The following ADGRF4 variants were observed in gnomAD, a reference collection of about 807,000 sequenced individuals.
The protein encoded by ADGRF4 is G-protein coupled receptor PGR18.
A neutral mutation model predicts 58.5 loss-of-function variants in ADGRF4; 63 were observed. The ratio of observed to expected loss-of-function variants is 1.08; its 90% CI spans 0.88 to 1.33. The LOEUF is 1.33. ADGRF4 is among the 40% of genes most tolerant of loss of function. The pLI, the probability that ADGRF4 is intolerant of heterozygous loss-of-function variation, is 0.00. For synonymous variants in ADGRF4, 313 were observed against 295.4 expected (o/e 1.06, Z -0.61); for missense variants, 931 against 843.9 (o/e 1.10, Z -1.28).
intron 3 of ADGRF4, among the ~76,000 whole-genome samples, chr6:47,710,335 T>G (rs1218963662): frequency 6.6e-6 from 1 of 152,212 alleles, no homozygotes; most frequent in African/African-American, 2.4e-5. Flanking sequence ...CATAAAAGTT[T>G]ATGGACTCCT....
At chr6:47,699,128 C>G (rs1464080796) in intron 1 of ADGRF4, among the ~76,000 whole-genome samples, 1 of 152,188 alleles carries the variant, frequency 6.6e-6, no homozygotes, top group African/African-American at 2.4e-5. Context: ...GTCTTTTAGA[C>G]TGAATGTAAA....
Position 47,702,026 on chromosome 6 carries a change from A to G in ADGRF4, c.-17+3232A>G, listed in dbSNP as rs146122166. Reference sequence around the variant, plus strand: ...GCTCATTTTTTTGTATTTAGTAGAGAGGGGGTTTCACCATGTTGGTCAGGC... The same window carrying G: ...GCTCATTTTTTTGTATTTAGTAGAGGGGGGGTTTCACCATGTTGGTCAGGC... On this transcript the variant is annotated intron_variant, in intron 1 of 9. Coordinates refer to ENST00000283303, the MANE Select transcript of ADGRF4 (RefSeq NM_153838.5). Among the ~76,000 whole-genome samples the G allele has an allele frequency of 4.3e-3, 659 of 152,134 alleles. 3 individuals carry two copies. Among genetic ancestry groups the G allele is most frequent in the African/African-American group, 0.014 (574 of 41,502 alleles).
At chr6:47,706,384 T>C (rs1350839664) in intron 1 of ADGRF4, among the ~76,000 whole-genome samples, 3 of 152,216 alleles carry the variant, frequency 2.0e-5, no homozygotes, top group African/African-American at 7.2e-5. Context: ...AGTTTATCCA[T>C]CTCTAAGAGG....
chr6:47,710,059 A>G (rs1401478964), intron 3 of ADGRF4, among the ~76,000 whole-genome samples: 1 of 152,228 alleles, frequency 6.6e-6, no homozygotes, highest in Non-Finnish European at 1.5e-5. Flanking sequence ...TCGACAATAT[A>G]TATTAAATAA....
At chr6:47,707,672 T>A (rs186753860) in intron 2 of ADGRF4, among the ~76,000 whole-genome samples, 35 of 152,334 alleles carry the variant, frequency 2.3e-4, no homozygotes, top group Admixed American at 2.1e-3. Flanking sequence ...GTTGCACAAG[T>A]TGTTTCACTT....
rs75331394 is a variant in ADGRF4, at chr6:47,699,509, T to C, written c.-17+715T>C. Among the ~76,000 whole-genome samples, 661 of 152,360 alleles carry C rather than the reference T, an allele frequency of 4.3e-3. 3 individuals carry two copies. Among genetic ancestry groups the C allele is most frequent in the African/African-American group, 0.014 (576 of 41,582 alleles). On this transcript the variant is annotated intron_variant, in intron 1 of 9. Coordinates refer to ENST00000283303, the MANE Select transcript of ADGRF4 (RefSeq NM_153838.5). ...GTTGGTGAGATATCTAGATGTCTTC[T>C]AACTCTGAAATTGTCTTCCAACTCT...
chr6:47,703,131 T>A (rs1045606465), intron 1 of ADGRF4, among the ~76,000 whole-genome samples: 1 of 152,252 alleles, frequency 6.6e-6, no homozygotes, highest in Non-Finnish European at 1.5e-5. Flanking sequence ...AGATACTATA[T>A]TTGTGTTTAC....
chr6:47,721,665 G>C lies in ADGRF4; in HGVS notation c.*460G>C, dbSNP rs920539059. On this transcript the variant is annotated 3_prime_UTR_variant, in exon 10 of 10. Coordinates refer to ENST00000283303, the MANE Select transcript of ADGRF4 (RefSeq NM_153838.5). ...TCGATCCAATTTTAGGGGTAGGGTT[G>C]GGGGTGGGAGTGGGAGTGTGGGTTG... The C allele has an allele frequency of 6.6e-6, 1 of 152,170 alleles. No individual in the cohort carries two copies. The highest frequency in any genetic ancestry group is 1.9e-4 in the East Asian group (1 of 5,174). The allele number at this position is 152,170 out of a possible 1,614,324, so 9.4% of individuals were successfully genotyped here. A position where few individuals can be genotyped will look rare whatever the true frequency, so the allele number is the denominator to read the frequency against.
At chr6:47,710,457 T>A (rs181992939) in intron 3 of ADGRF4, among the ~76,000 whole-genome samples, 2 of 152,286 alleles carry the variant, frequency 1.3e-5, no homozygotes, top group Non-Finnish European at 2.9e-5. Context: ...CTGCTTTCCT[T>A]CCCACCCTCA....
rs897059555 is a variant in ADGRF4 at position 47,714,645 on chromosome 6, C to A, written c.1400C>A (p.Ala467Asp). Residue 467 changes from alanine (A) to aspartate (D), a missense_variant, in exon 6 of 10, where the codon GCC becomes GAC. Ala to Asp is a moderately radical substitution (Grantham distance 126). Transcript: ENST00000283303. ...ATAGGCTCTCACTTTAACATTAAGGCCCAGGACTACAACATGTGTGTTGCA... is the reference window on the plus strand; with the variant it reads ...ATAGGCTCTCACTTTAACATTAAGGACCAGGACTACAACATGTGTGTTGCA... ...FIIGSHFNIK[A>D]QDYNMCVAVT... The A allele has an allele frequency of 6.2e-7, 1 of 1,614,040 alleles. No individual in the cohort carries two copies. Among genetic ancestry groups the A allele is most frequent in the Non-Finnish European group, 8.5e-7 (1 of 1,180,028 alleles).
Position 47,721,898 on chromosome 6 carries a change from G to A in ADGRF4, c.*693G>A, listed in dbSNP as rs571481946. ...AAAATTCTTGTAGGTATTACTGTTT[G>A]TGTGTTTGAGTTTACTGCACATGTT... On this transcript the variant is annotated 3_prime_UTR_variant, in exon 10 of 10. Coordinates refer to ENST00000283303, the MANE Select transcript of ADGRF4 (RefSeq NM_153838.5). The A allele has an allele frequency of 2.6e-5, 4 of 152,126 alleles. No homozygotes were observed. The highest frequency in any genetic ancestry group is 5.9e-5 in the Non-Finnish European group (4 of 68,000). 9.4% of individuals were successfully genotyped at this position (152,126 alleles called of 1,614,324 possible).
At chr6:47,719,086 C>A (rs967299317) in intron 9 of ADGRF4, among the ~76,000 whole-genome samples, 1 of 152,186 alleles carries the variant, frequency 6.6e-6, no homozygotes, top group South Asian at 2.1e-4. Flanking sequence ...GAGTTTCAGA[C>A]TTTCAAACAA....
chr6:47,713,714 C>G (rs771644081), intron 5 of ADGRF4, 84 bp from the exon 6 acceptor site: 158 of 1,104,604 alleles, frequency 1.4e-4, no homozygotes, highest in Middle Eastern at 2.4e-4. Flanking sequence ...GTAACCTGAT[C>G]TTTAGAAATT....
At position 47,709,849 on chromosome 6, in the gene ADGRF4, G is replaced by GTTTTTT. The variant is rs71305748; in HGVS notation, c.149-881_149-876dup. Among the ~76,000 whole-genome samples, 141 of 147,554 alleles carry GTTTTTT rather than the reference G, an allele frequency of 9.6e-4. 1 individual carries two copies. Among genetic ancestry groups the GTTTTTT allele is most frequent in the South Asian group, 2.8e-3 (13 of 4,662 alleles). Reference sequence around the variant, plus strand: ...CTTTCCTAGTCTACGTAGCATCACAGTTTTTTTTTTGTATTTTTGTGCTTT... The same window carrying GTTTTTT: ...CTTTCCTAGTCTACGTAGCATCACAGTTTTTTTTTTTTTTTTGTATTTTTGTGCTTT... On this transcript the variant is annotated intron_variant, in intron 3 of 9. Coordinates refer to ENST00000283303, the MANE Select transcript of ADGRF4 (RefSeq NM_153838.5).
intron 1 of ADGRF4, among the ~76,000 whole-genome samples, chr6:47,701,868 T>C (rs1295828360): frequency 6.6e-6 from 1 of 152,238 alleles, no homozygotes; most frequent in Non-Finnish European, 1.5e-5. Context: ...AGTTTCACTC[T>C]TATTGCCCAG....
At chr6:47,707,114 C>A in intron 1 of ADGRF4, 116 bp from the exon 2 acceptor site, 1 of 664,492 alleles carries the variant, frequency 1.5e-6, no homozygotes, top group South Asian at 1.8e-5. Flanking sequence ...GCTGCTTTGG[C>A]ATGACTATCT....
intron 3 of ADGRF4, among the ~76,000 whole-genome samples, chr6:47,709,552 C>T (rs971152670): frequency 3.3e-5 from 5 of 152,168 alleles, no homozygotes; most frequent in Admixed American, 2.6e-4. Context: ...TGAATAATAT[C>T]GCATGGGTCA....
intron 2 of ADGRF4, 136 bp downstream of exon 2, chr6:47,707,474 T>C: frequency 3.1e-6 from 2 of 653,758 alleles, no homozygotes; most frequent in Non-Finnish European, 5.4e-6. Context: ...GATAGTAACT[T>C]TCTAAAGAAG....
At chr6:47,713,015 T>C (rs1456609348) in intron 5 of ADGRF4, among the ~76,000 whole-genome samples, 2 of 152,198 alleles carry the variant, frequency 1.3e-5, no homozygotes, top group African/African-American at 4.8e-5. Context: ...TCACCTGGGC[T>C]CTGCCTCCTG....
Sources: gnomAD v4.1 joint callset for allele counts (sites outside exome capture counted in the v4.1 genomes callset) on GRCh38, gnomAD v4.1.1 for gene constraint, MANE v1.5 for transcripts, NCBI Gene and HGNC (gene_info 2026-07-23, HGNC 2026-07-21) for gene names.